The following RLIG1 variants were observed in gnomAD, a reference collection of about 807,000 sequenced individuals.
RLIG1 encodes RNA ligase 1.
the RLIG1 span, chr12:88,049,718 A>G: frequency 5.3e-6 from 1 of 188,878 alleles, no homozygotes; most frequent in African/African-American, 2.3e-5. Context: ...CAATAGAGCA[A>G]TCAATCAAAA....
At chr12:88,048,377 T>TAATC in the RLIG1 span, 30 of 1,578,888 alleles carry the variant, frequency 1.9e-5, no homozygotes, top group African/African-American at 1.5e-4. Context: ...TAAAAATAGA[T>TAATC]AATCAGAAAT....
the RLIG1 span, among the ~76,000 whole-genome samples, chr12:88,039,676 C>G: frequency 6.6e-6 from 1 of 152,124 alleles, no homozygotes; most frequent in Non-Finnish European, 1.5e-5. Context: ...TTCCTTTACC[C>G]ATTTGTTTTT....
chr12:88,040,052 A>G, the RLIG1 span: 1 of 724,344 alleles, frequency 1.4e-6, no homozygotes, highest in Non-Finnish European at 2.5e-6. Context: ...ATCATTCCTT[A>G]AAACTAATGA....
chr12:88,041,277 T>G, the RLIG1 span, among the ~76,000 whole-genome samples: 1 of 152,316 alleles, frequency 6.6e-6, no homozygotes, highest in Admixed American at 6.5e-5. Context: ...GTATCAGAAT[T>G]TTATTCCTTT....
chr12:88,044,590 C>A, the RLIG1 span: 5 of 152,148 alleles, frequency 3.3e-5, no homozygotes, highest in African/African-American at 1.2e-4. Flanking sequence ...TAAGAACTAA[C>A]AGGAATGAAT....
chr12:88,043,562 T>A, the RLIG1 span: 2 of 1,388,048 alleles, frequency 1.4e-6, no homozygotes, highest in South Asian at 2.6e-5. Flanking sequence ...TTTTTAAGTA[T>A]CACCACATAC....
chr12:88,043,606 T>C, the RLIG1 span: 2 of 1,598,904 alleles, frequency 1.3e-6, no homozygotes, highest in Non-Finnish European at 1.7e-6. Context: ...TAGAATTTTT[T>C]TGGAACGTTG....
chr12:88,041,901 C>T, the RLIG1 span: 2 of 152,064 alleles, frequency 1.3e-5, no homozygotes, highest in Non-Finnish European at 2.9e-5. Flanking sequence ...TGCGTGAGGA[C>T]GGCAAACTGG....
At chr12:88,038,285 T>G in the RLIG1 span, among the ~76,000 whole-genome samples, 1 of 151,794 alleles carries the variant, frequency 6.6e-6, no homozygotes, top group Admixed American at 6.6e-5. Context: ...TGCCAGCGGG[T>G]TTTACTCCTT....
At chr12:88,048,442 T>G in the RLIG1 span, 1 of 1,214,694 alleles carries the variant, frequency 8.2e-7, no homozygotes, top group Non-Finnish European at 1.1e-6. Context: ...AAAATTAGTT[T>G]ATCATTATAT....
the RLIG1 span, chr12:88,045,508 A>G: frequency 1.8e-6 from 2 of 1,081,584 alleles, no homozygotes; most frequent in Non-Finnish European, 2.6e-6. Flanking sequence ...TTACAACAAA[A>G]ATATAAATTA....
At chr12:88,040,115 C>A in the RLIG1 span, 117 of 1,269,888 alleles carry the variant, frequency 9.2e-5, no homozygotes, top group Admixed American at 1.5e-4. Context: ...GGCTATCTAT[C>A]TTAAACCGGT....
At chr12:88,040,763 C>G in the RLIG1 span, among the ~76,000 whole-genome samples, 1 of 150,306 alleles carries the variant, frequency 6.7e-6, no homozygotes, top group South Asian at 2.1e-4. Context: ...TAGAAATTGT[C>G]AGTCATTTTA....
At chr12:88,049,403 C>CTTTA in the RLIG1 span, 5 of 1,443,134 alleles carry the variant, frequency 3.5e-6, no homozygotes, top group Non-Finnish European at 4.8e-6. Flanking sequence ...TTTTCAGCTT[C>CTTTA]TTTATTTCCT....
the RLIG1 span, chr12:88,046,743 T>TA: frequency 7.1e-7 from 1 of 1,406,662 alleles, no homozygotes; most frequent in Non-Finnish European, 9.7e-7. Context: ...TTTGAAGAGG[T>TA]ACGTTTTCTA....
the RLIG1 span, among the ~76,000 whole-genome samples, chr12:88,036,495 C>T: frequency 6.6e-6 from 1 of 152,232 alleles, no homozygotes; most frequent in Non-Finnish European, 1.5e-5. Context: ...GCTTTCTCGT[C>T]TTCTGGACTA....
the RLIG1 span, chr12:88,036,064 C>G: frequency 7.1e-7 from 1 of 1,400,674 alleles, no homozygotes; most frequent in Non-Finnish European, 9.4e-7. Flanking sequence ...TGGGGAAACC[C>G]CCTAATCAGG....
the RLIG1 span, chr12:88,048,433 A>AAATT: frequency 3.1e-6 from 4 of 1,286,652 alleles, no homozygotes; most frequent in African/African-American, 6.1e-5. Context: ...AATGCAAATA[A>AAATT]AATTAGTTTA....
At chr12:88,048,717 A>G in the RLIG1 span, 466 of 219,882 alleles carry the variant, frequency 2.1e-3, 7 homozygotes, top group East Asian at 0.026. Flanking sequence ...AATGTCACTA[A>G]TTTTCAAAAT....
Sources: allele counts gnomAD v4.1 joint callset (sites outside exome capture counted in the v4.1 genomes callset), GRCh38; gene constraint gnomAD v4.1.1; transcripts MANE v1.5; gene names NCBI Gene and HGNC (gene_info 2026-07-23, HGNC 2026-07-21).